UTRN: variants seen among roughly 807,000 people sequenced by gnomAD.
UTRN encodes utrophin, also known as dystrophin-related protein 1.
In UTRN, 283 loss-of-function variants were observed where a neutral mutation model predicts 463.9. The observed-to-expected ratio is 0.61, with a 90% confidence interval of 0.55 to 0.67. The LOEUF is 0.67. Among genes scored for constraint, UTRN ranks in the 30% least tolerant of loss-of-function variants. The pLI, the probability that UTRN is intolerant of heterozygous loss-of-function variation, is 0.00. For synonymous variants in UTRN, 1,442 were observed against 1,431.5 expected, an observed-to-expected ratio of 1.01 and a Z score of -0.17; for missense variants, 3,922 against 4,084.3, an observed-to-expected ratio of 0.96 and a Z score of 1.08.
intron 68 of UTRN, among the ~76,000 whole-genome samples, chr6:144,828,473 T>A (rs1221144611): frequency 6.6e-6 from 1 of 152,126 alleles, no homozygotes; most frequent in Non-Finnish European, 1.5e-5. Flanking sequence ...TTTATTTGTT[T>A]GAGAATGTCA....
chr6:144,727,562 T>A (rs1336173970), intron 53 of UTRN, among the ~76,000 whole-genome samples: 3 of 151,722 alleles, frequency 2.0e-5, no homozygotes, highest in Admixed American at 1.3e-4. Flanking sequence ...ATCGAGACCA[T>A]CCTGGCTAAC....
At chr6:144,331,257 C>CT (rs1406027041) in intron 2 of UTRN, among the ~76,000 whole-genome samples, 8 of 152,136 alleles carry the variant, frequency 5.3e-5, no homozygotes, top group African/African-American at 1.9e-4. Flanking sequence ...AAAACATTTT[C>CT]TAAATATGAT....
chr6:144,416,583 C>T (rs1784383547), intron 3 of UTRN, among the ~76,000 whole-genome samples: 1 of 152,162 alleles, frequency 6.6e-6, no homozygotes, highest in Non-Finnish European at 1.5e-5. Context: ...AGTAGTGTCC[C>T]AGCCGCAAGC....
intron 2 of UTRN, among the ~76,000 whole-genome samples, chr6:144,305,027 G>A (rs1805595059): frequency 6.6e-6 from 1 of 151,746 alleles, no homozygotes; most frequent in South Asian, 2.1e-4. Context: ...CCCTTCCTGG[G>A]TTCAAACAAT....
intron 66 of UTRN, among the ~76,000 whole-genome samples, chr6:144,824,517 AT>A (rs1161754280): frequency 7.2e-6 from 1 of 138,108 alleles, no homozygotes; most frequent in African/African-American, 2.6e-5. Context: ...TTGTATATAT[AT>A]GTATATATAC....
At chr6:144,749,649 A>G (rs1279399738) in intron 55 of UTRN, among the ~76,000 whole-genome samples, 1 of 152,204 alleles carries the variant, frequency 6.6e-6, no homozygotes, top group Non-Finnish European at 1.5e-5. Flanking sequence ...AAAACAAAAG[A>G]TAAACTTTCT....
intron 2 of UTRN, among the ~76,000 whole-genome samples, chr6:144,397,244 T>TA (rs528359502): frequency 3.6e-4 from 53 of 145,396 alleles, no homozygotes; most frequent in African/African-American, 8.3e-4. Context: ...AACTCGGTCT[T>TA]AAAAAAAAAA....
intron 51 of UTRN, among the ~76,000 whole-genome samples, chr6:144,636,798 A>G (rs914538001): frequency 3.3e-5 from 5 of 151,818 alleles, no homozygotes; most frequent in East Asian, 3.9e-4. Context: ...TCTTTCTTGA[A>G]CTCTCATTCT....
At chr6:144,695,445 G>A (rs1484969342) in intron 52 of UTRN, among the ~76,000 whole-genome samples, 2 of 151,702 alleles carry the variant, frequency 1.3e-5, no homozygotes, top group Non-Finnish European at 2.9e-5. Context: ...CTGGGTTCAA[G>A]CGATTCTCCT....
chr6:144,522,033 A>G lies in UTRN; in HGVS notation c.5595A>G (p.Ser1865=). The G allele has an allele frequency of 1.3e-6, 2 of 1,586,900 alleles. No individual in the cohort carries two copies. The highest frequency in any genetic ancestry group is 1.7e-6 in the Non-Finnish European group (2 of 1,168,978). Residue 1865 remains serine, a synonymous_variant, in exon 40 of 75, where the codon TCA becomes TCG. Transcript: ENST00000367545. Reference sequence around the variant, plus strand: ...GTCAACTTGCTTCTGGAATTAGATCATCACTTCTTCCTACAGATTATCTGG... The same window carrying G: ...GTCAACTTGCTTCTGGAATTAGATCGTCACTTCTTCCTACAGATTATCTGG... ...KMGQLASGIR[S]SLLPTDYLVE...
chr6:144,744,640 C>G (rs970611182), intron 54 of UTRN, among the ~76,000 whole-genome samples: 10 of 133,170 alleles, frequency 7.5e-5, no homozygotes, highest in African/African-American at 2.7e-4. Flanking sequence ...TACACACACA[C>G]ACACACACAC....
At position 144,459,618 on chromosome 6, in the gene UTRN, A is replaced by G. The variant is rs529286212; in HGVS notation, c.2707+264A>G. Among the ~76,000 whole-genome samples the G allele has an allele frequency of 3.9e-5, 6 of 152,158 alleles. No individual in the cohort carries two copies. In the South Asian group the frequency reaches 1.0e-3, roughly 26 times the overall value. ...TAATAATTTTTTTTTTTGTAGCTAC[A>G]GGATCTCACTCTGTCACCCAGGCTG... On this transcript the variant is annotated intron_variant, in intron 21 of 74. Transcript: ENST00000367545.
intron 51 of UTRN, among the ~76,000 whole-genome samples, chr6:144,661,793 A>G (rs1035154120): frequency 1.3e-5 from 2 of 152,196 alleles, no homozygotes; most frequent in African/African-American, 4.8e-5. Context: ...TTAAAAGTCT[A>G]GGTCAGATAC....
intron 2 of UTRN, among the ~76,000 whole-genome samples, chr6:144,334,637 G>T (rs1194715355): frequency 4.6e-5 from 7 of 152,136 alleles, no homozygotes; most frequent in Admixed American, 2.6e-4. Flanking sequence ...TTGCTGTTTG[G>T]CTATGACTGA....
At chr6:144,479,667 T>G in intron 25 of UTRN, 145 bp from the exon 26 acceptor site, 36 of 903,310 alleles carry the variant, frequency 4.0e-5, no homozygotes, top group Non-Finnish European at 5.6e-5. Context: ...AGCGTTAGCA[T>G]GAGATGTATG....
At chr6:144,556,497 A>T (rs1799397366) in intron 49 of UTRN, among the ~76,000 whole-genome samples, 1 of 152,220 alleles carries the variant, frequency 6.6e-6, no homozygotes, top group Non-Finnish European at 1.5e-5. Context: ...CCTTAGGCTG[A>T]TTTAAAATCT....
intron 2 of UTRN, among the ~76,000 whole-genome samples, chr6:144,386,027 C>T (rs1269032038): frequency 6.6e-6 from 1 of 152,124 alleles, no homozygotes; most frequent in East Asian, 1.9e-4. Flanking sequence ...TAATTTTTAA[C>T]AGTGACAAGA....
intron 51 of UTRN, among the ~76,000 whole-genome samples, chr6:144,651,355 T>G (rs935244812): frequency 6.6e-6 from 1 of 152,184 alleles, no homozygotes; most frequent in Non-Finnish European, 1.5e-5. Flanking sequence ...AGTGAATGTC[T>G]TTCTTGATAA....
At chr6:144,609,757 A>G (rs1343772879) in intron 51 of UTRN, among the ~76,000 whole-genome samples, 1 of 152,248 alleles carries the variant, frequency 6.6e-6, no homozygotes, top group African/African-American at 2.4e-5. Flanking sequence ...GGATAAAACC[A>G]GAAATCAATA....
Sources: gnomAD v4.1 joint callset for allele counts (sites outside exome capture counted in the v4.1 genomes callset) on GRCh38, gnomAD v4.1.1 for gene constraint, MANE v1.5 for transcripts, NCBI Gene and HGNC (gene_info 2026-07-23, HGNC 2026-07-21) for gene names.